Variants in PHLPP1 observed in about 807,000 individuals in gnomAD.
PHLPP1 encodes the protein PH domain leucine-rich repeat-containing protein phosphatase 1.
PHLPP1 carries 42 observed loss-of-function variants against 117.2 expected under a neutral mutation model. That is an observed-to-expected ratio of 0.36 (90% CI 0.28 to 0.46). PHLPP1 has a LOEUF of 0.46. Ranked by LOEUF, PHLPP1 falls within the 20% of genes least tolerant of loss-of-function variation. The pLI, the probability that PHLPP1 is intolerant of heterozygous loss-of-function variation, is 1.00. For missense variants in PHLPP1, 2,084 were observed against 2,241.9 expected (o/e 0.93, Z 1.42); for synonymous variants, 1,042 against 970.7 (o/e 1.07, Z -1.37).
chr18:62,793,467 C>G (rs1337740864), intron 1 of PHLPP1, among the ~76,000 whole-genome samples: 1 of 152,222 alleles, frequency 6.6e-6, no homozygotes, highest in Middle Eastern at 3.2e-3. Context: ...TAGTTTAGCG[C>G]TGGCCATTCC....
chr18:62,808,701 G>A (rs371919018), intron 1 of PHLPP1, among the ~76,000 whole-genome samples: 6 of 152,026 alleles, frequency 3.9e-5, no homozygotes, highest in African/African-American at 9.6e-5. Flanking sequence ...ACAGGCATGC[G>A]CCACCAAGCC....
Position 62,927,392 on chromosome 18 carries a change from C to A in PHLPP1, c.2960+7278C>A, listed in dbSNP as rs181548355. 2.1e-3 allele frequency among the ~76,000 whole-genome samples: 326 copies of A among 152,148 alleles called. 1 individual carries two copies. The highest frequency in any genetic ancestry group is 7.5e-3 in the African/African-American group (311 of 41,524). ...GTCCACTGTCGAATAGTTCGTACCC[C>A]AAAAAATCTATTGTGAAGCCTAAGA... On this transcript the variant is annotated intron_variant, in intron 10 of 16. Coordinates refer to ENST00000262719, the MANE Select transcript of PHLPP1 (RefSeq NM_194449.4).
intron 1 of PHLPP1, among the ~76,000 whole-genome samples, chr18:62,823,768 T>G (rs1914531929): frequency 6.6e-6 from 1 of 152,008 alleles, no homozygotes; most frequent in Non-Finnish European, 1.5e-5. Flanking sequence ...GAGAAGATGA[T>G]TAGTCATTAG....
chr18:62,825,307 GT>G (rs1393767641), intron 1 of PHLPP1: 2 of 150,768 alleles, frequency 1.3e-5, no homozygotes, highest in Non-Finnish European at 1.5e-5. Context: ...TAAGATGTTA[GT>G]TTTGGCTTTC....
intron 2 of PHLPP1, among the ~76,000 whole-genome samples, chr18:62,830,944 A>G (rs1914741330): frequency 6.6e-6 from 1 of 152,196 alleles, no homozygotes; most frequent in African/African-American, 2.4e-5. Flanking sequence ...GTCTTTGACC[A>G]CATTTTCCCC....
intron 4 of PHLPP1, among the ~76,000 whole-genome samples, chr18:62,875,827 C>T (rs930474497): frequency 4.6e-5 from 7 of 151,746 alleles, no homozygotes; most frequent in Admixed American, 6.6e-5. Flanking sequence ...GTGCCTCCTG[C>T]GTTCAAGTGA....
chr18:62,966,619 C>T (rs949005763), intron 14 of PHLPP1, among the ~76,000 whole-genome samples: 19 of 151,806 alleles, frequency 1.3e-4, no homozygotes, highest in Admixed American at 8.5e-4. Context: ...CACAGGCGCC[C>T]GCCACCACGC....
intron 4 of PHLPP1, among the ~76,000 whole-genome samples, chr18:62,863,416 T>C (rs992052198): frequency 6.6e-6 from 1 of 152,146 alleles, no homozygotes; most frequent in Non-Finnish European, 1.5e-5. Flanking sequence ...GTTGCCAGGC[T>C]GGTCTTGAAC....
At chr18:62,902,289 G>A (rs944180426) in intron 6 of PHLPP1, among the ~76,000 whole-genome samples, 26 of 152,190 alleles carry the variant, frequency 1.7e-4, no homozygotes, top group Non-Finnish European at 2.5e-4. Context: ...TCTAGATGCC[G>A]GATTTCAGTA....
intron 1 of PHLPP1, among the ~76,000 whole-genome samples, chr18:62,806,223 T>A (rs71352597): frequency 0.057 from 8,642 of 152,274 alleles, 338 homozygotes; most frequent in Middle Eastern, 0.088. Flanking sequence ...GAATTGGTAA[T>A]AAGATTTAAG....
chr18:62,734,108 C>T (rs948524371), intron 1 of PHLPP1, among the ~76,000 whole-genome samples: 9 of 152,066 alleles, frequency 5.9e-5, no homozygotes, highest in African/African-American at 2.2e-4. Context: ...CACTGAGGGA[C>T]ATTCTTGTAT....
In PHLPP1 at chr18:62,716,718, C is replaced by A. The variant is rs955569313; in HGVS notation, c.1035C>A (p.Ser345=). The A allele has an allele frequency of 2.3e-4, 346 of 1,501,660 alleles. No individual in the cohort carries two copies. Among genetic ancestry groups the A allele is most frequent in the Non-Finnish European group, 2.9e-4 (329 of 1,130,094 alleles). The allele number at this position is 1,501,660 out of a possible 1,614,324, so 93.0% of individuals were successfully genotyped here. A position where few individuals can be genotyped will look rare whatever the true frequency, so the allele number is the denominator to read the frequency against. Residue 345 remains serine, a synonymous_variant, in exon 1 of 17, where the codon TCC becomes TCA. Coordinates refer to ENST00000262719, the MANE Select transcript of PHLPP1 (RefSeq NM_194449.4). This position sits in a 1 kb window ranked among gnomAD's most constrained non-coding sequence, Gnocchi z 5.7. ...CCCGCGCCCCACGGCCTGTGGTCTC[C>A]GACACCGAGAGCTTCAGTCTGAGTC... ...SSPRAPRPVV[S]DTESFSLSPS...
intron 1 of PHLPP1, among the ~76,000 whole-genome samples, chr18:62,823,148 C>T (rs1024312447): frequency 2.6e-4 from 40 of 152,060 alleles, no homozygotes; most frequent in African/African-American, 9.7e-4. Context: ...ACACAAAAAC[C>T]ACTAACTATA....
intron 4 of PHLPP1, among the ~76,000 whole-genome samples, chr18:62,871,262 T>G (rs1435618981): frequency 2.0e-5 from 3 of 152,170 alleles, no homozygotes; most frequent in Non-Finnish European, 4.4e-5. Flanking sequence ...TCACACTAAA[T>G]TATAATGGTG....
At chr18:62,844,072 C>T (rs1474284169) in intron 3 of PHLPP1, among the ~76,000 whole-genome samples, 2 of 152,132 alleles carry the variant, frequency 1.3e-5, no homozygotes, top group East Asian at 1.9e-4. Context: ...CTTGGCCGGG[C>T]GTGGTGGCTC....
intron 4 of PHLPP1, among the ~76,000 whole-genome samples, chr18:62,884,786 A>C (rs1916247141): frequency 6.6e-6 from 1 of 152,216 alleles, no homozygotes; most frequent in African/African-American, 2.4e-5. Flanking sequence ...TCATTGACTA[A>C]AACAGTATGG....
At position 62,979,551 on chromosome 18, in the gene PHLPP1, C is replaced by A; in HGVS notation, c.*120C>A. The A allele has an allele frequency of 9.0e-7, 1 of 1,108,378 alleles. No individual in the cohort carries two copies. The highest frequency in any genetic ancestry group is 1.3e-6 in the Non-Finnish European group (1 of 787,990). The allele number at this position is 1,108,378 out of a possible 1,614,324, so 68.7% of individuals were successfully genotyped here. On this transcript the variant is annotated 3_prime_UTR_variant, in exon 17 of 17. Transcript: ENST00000262719. ...CCTTCCCCCAGACACTGTTCCCAACCTGTCATCGCAGCTAATCTGTAGGTT... is the reference window on the plus strand; with the variant it reads ...CCTTCCCCCAGACACTGTTCCCAACATGTCATCGCAGCTAATCTGTAGGTT...
intron 1 of PHLPP1, among the ~76,000 whole-genome samples, chr18:62,827,598 A>T (rs1050781486): frequency 6.6e-6 from 1 of 152,234 alleles, no homozygotes; most frequent in African/African-American, 2.4e-5. Context: ...GAGAGGACAG[A>T]CAATAGGGAC....
intron 4 of PHLPP1, among the ~76,000 whole-genome samples, chr18:62,865,319 C>T (rs2144366541): frequency 6.6e-6 from 1 of 152,150 alleles, no homozygotes; most frequent in South Asian, 2.1e-4. Flanking sequence ...GAGGGAAAAC[C>T]TGTCTCAAAA....
Sources: allele counts gnomAD v4.1 joint callset (sites outside exome capture counted in the v4.1 genomes callset), GRCh38; gene constraint gnomAD v4.1.1; non-coding constraint Gnocchi (gnomAD v3.1); transcripts MANE v1.5; gene names NCBI Gene and HGNC (gene_info 2026-07-23, HGNC 2026-07-21).